The following COL5A1 variants were observed in gnomAD, a reference collection of about 807,000 sequenced individuals.
The protein encoded by COL5A1 is collagen type V alpha 1 chain.
COL5A1 carries 16 observed loss-of-function variants against 263.7 expected under a neutral mutation model. That is an observed-to-expected ratio of 0.06 (90% CI 0.04 to 0.09). COL5A1 has a LOEUF of 0.09. Ranked by LOEUF, COL5A1 falls within the 10% of genes least tolerant of loss-of-function variation. The pLI is 1.00. For missense variants in COL5A1, 2,036 were observed against 2,540.5 expected, an observed-to-expected ratio of 0.80 and a Z score of 4.27; for synonymous variants, 1,012 against 1,004.5, an observed-to-expected ratio of 1.01 and a Z score of -0.14.
Position 134,741,287 on chromosome 9 carries a change from C to T in COL5A1, c.1494+2479C>T, listed in dbSNP as rs972232656. ...ACAGATTAACAAGAGAAGAGGCATA[C>T]GATTTTAACACTTTTAATCTTCTAT... On this transcript the variant is annotated intron_variant, in intron 11 of 65. Coordinates refer to ENST00000371817, the MANE Select transcript of COL5A1 (RefSeq NM_000093.5). The surrounding 1 kb of genome is among the most constrained non-coding windows in gnomAD (Gnocchi z 4.5). Among the ~76,000 whole-genome samples, 1 of 152,124 alleles carries T rather than the reference C, an allele frequency of 6.6e-6. No individual in the cohort carries two copies. Among genetic ancestry groups the T allele is most frequent in the African/African-American group, 2.4e-5 (1 of 41,434 alleles).
chr9:134,722,356 C>A (rs1346118917), intron 4 of COL5A1, among the ~76,000 whole-genome samples: 1 of 152,236 alleles, frequency 6.6e-6, no homozygotes, highest in Non-Finnish European at 1.5e-5. Context: ...TGTTCGTTAC[C>A]TAGCCTTGGG....
rs79903250 is a variant in COL5A1, at chr9:134,795,412, TAAAA to T, written c.2799+109_2799+112del. 3.7e-4 allele frequency: 291 copies of T among 786,486 alleles called. 1 individual carries two copies. In the African/African-American group the frequency reaches 5.0e-3, roughly 13 times the overall value. The allele number at this position is 786,486 out of a possible 1,614,324, so 48.7% of individuals were successfully genotyped here. On this transcript the variant is annotated intron_variant, in intron 34 of 65. Coordinates refer to ENST00000371817, the MANE Select transcript of COL5A1 (RefSeq NM_000093.5). ...TGAGGGTGTCTGTGACCTTTTTTATTAAAAAAAAAAAAAAAGGCAGGACATTTTC... is the reference window on the plus strand; with the variant it reads ...TGAGGGTGTCTGTGACCTTTTTTATTAAAAAAAAAAAGGCAGGACATTTTC...
Position 134,744,893 on chromosome 9 carries a change from ACT to A in COL5A1, c.1495-5647_1495-5646del, listed in dbSNP as rs752337694. Among the ~76,000 whole-genome samples, 275 of 143,110 alleles carry A rather than the reference ACT, an allele frequency of 1.9e-3. 1 individual carries two copies. In the Middle Eastern group the frequency reaches 0.028, roughly 14 times the overall value. The allele number at this position is 143,110 out of a possible 152,430, so 93.9% of individuals were successfully genotyped here. ...CATGCACTCACACACCTGCACACAC[ACT>A]CATGCACATATGCACACACCCAGGC... On this transcript the variant is annotated intron_variant, in intron 11 of 65. Coordinates refer to ENST00000371817, the MANE Select transcript of COL5A1 (RefSeq NM_000093.5).
chr9:134,838,830 C>T (rs944256174), intron 65 of COL5A1, among the ~76,000 whole-genome samples: 1 of 152,204 alleles, frequency 6.6e-6, no homozygotes, highest in Non-Finnish European at 1.5e-5. Context: ...GCTCTGCGGC[C>T]AAGCTGGACA....
intron 9 of COL5A1, among the ~76,000 whole-genome samples, chr9:134,737,168 G>A (rs1166845790): frequency 3.3e-5 from 5 of 152,210 alleles, no homozygotes; most frequent in Admixed American, 1.3e-4. Flanking sequence ...GTTTCTGCAC[G>A]GGACCCCAGG....
In COL5A1 at chr9:134,824,982, C is replaced by T. The variant is rs1310090425; in HGVS notation, c.4954+127C>T. 2.3e-6 allele frequency: 3 copies of T among 1,324,846 alleles called. No homozygotes were observed. In the African/African-American group the frequency reaches 4.4e-5, roughly 19 times the overall value. 82.1% of individuals were successfully genotyped at this position (1,324,846 alleles called of 1,614,324 possible). On this transcript the variant is annotated intron_variant, in intron 62 of 65. Coordinates refer to ENST00000371817, the MANE Select transcript of COL5A1 (RefSeq NM_000093.5). ...ACAGGACGGGCAGCCGCAGCCTCCC[C>T]ATCTGTGGGGCCGGGGTGCGCAAGA...
chr9:134,685,429 T>C (rs1424249497), intron 1 of COL5A1, among the ~76,000 whole-genome samples: 2 of 674 alleles, frequency 3.0e-3, no homozygotes, highest in Non-Finnish European at 2.8e-3. Flanking sequence ...CATCCATCCA[T>C]CCATCCATCC....
chr9:134,654,404 GGT>G, intron 1 of COL5A1, among the ~76,000 whole-genome samples: 1 of 128,784 alleles, frequency 7.8e-6, no homozygotes, highest in African/African-American at 3.0e-5. Flanking sequence ...GTGTAGGGCT[GGT>G]GTGTGTAGGG....
At position 134,730,456 on chromosome 9, in the gene COL5A1, A is replaced by G; in HGVS notation, c.1145A>G (p.Asp382Gly). 1 of 1,614,066 alleles carries G rather than the reference A, an allele frequency of 6.2e-7. No individual in the cohort carries two copies. The highest frequency in any genetic ancestry group is 8.5e-7 in the Non-Finnish European group (1 of 1,180,014). ...GCCGAAATTCCCACCAGCACCGCCG[A>G]CACCTCCAACTCCTCCAATGTAATT... The part of the protein sequence containing the change: ...AGAEIPTSTA[D>G]TSNSSNPAPP... Residue 382 changes from aspartate to glycine, a missense_variant, in exon 7 of 66, where the codon GAC becomes GGC. Physicochemically the swap from Asp to Gly is moderately conservative, Grantham distance 94. Coordinates refer to ENST00000371817, the MANE Select transcript of COL5A1 (RefSeq NM_000093.5).
intron 1 of COL5A1, among the ~76,000 whole-genome samples, chr9:134,665,826 G>T (rs1832338730): frequency 1.3e-5 from 2 of 152,212 alleles, no homozygotes; most frequent in South Asian, 2.1e-4. Context: ...GGTGGTTCAC[G>T]CCTCTAATCC....
chr9:134,674,220 C>T (rs571001265), intron 1 of COL5A1, among the ~76,000 whole-genome samples: 1 of 152,128 alleles, frequency 6.6e-6, no homozygotes, highest in East Asian at 1.9e-4. Flanking sequence ...TATGTGAGCA[C>T]TCATGTGCTG....
chr9:134,804,908 G>A lies in COL5A1; in HGVS notation c.3115-67G>A, dbSNP rs114607788. 2,146 of 1,392,680 alleles carry A rather than the reference G, an allele frequency of 1.5e-3. 13 individuals carry two copies. The highest frequency in any genetic ancestry group is 0.013 in the African/African-American group (932 of 70,738). 86.3% of individuals were successfully genotyped at this position (1,392,680 alleles called of 1,614,324 possible). Reference sequence around the variant, plus strand: ...AGAGAAGGCCCCAGCCCTTGGCTTCGCTCTGGGGCTGGTGAGAGGTCTGCG... The same window carrying A: ...AGAGAAGGCCCCAGCCCTTGGCTTCACTCTGGGGCTGGTGAGAGGTCTGCG... On this transcript the variant is annotated intron_variant, in intron 39 of 65. Coordinates refer to ENST00000371817, the MANE Select transcript of COL5A1 (RefSeq NM_000093.5).
intron 2 of COL5A1, among the ~76,000 whole-genome samples, chr9:134,699,704 G>A (rs191385414): frequency 1.6e-4 from 25 of 152,330 alleles, no homozygotes; most frequent in African/African-American, 6.0e-4. Context: ...ACTGAGTCTT[G>A]AAGGGGGCAG....
rs1287824023 is a variant in COL5A1, at chr9:134,747,937, GCATT to G, written c.1495-2601_1495-2598del. On this transcript the variant is annotated intron_variant, in intron 11 of 65. Transcript: ENST00000371817. ...TGCACACATGCATTCATACACACAT[GCATT>G]CATACACATGCAGACACATGCACAC... Among the ~76,000 whole-genome samples the G allele has an allele frequency of 6.7e-3, 673 of 100,336 alleles. 17 individuals are homozygous for G. Among genetic ancestry groups the G allele is most frequent in the African/African-American group, 0.014 (378 of 26,348 alleles). 65.8% of individuals were successfully genotyped at this position (100,336 alleles called of 152,430 possible).
chr9:134,690,585 A>G (rs1833244105), intron 1 of COL5A1, among the ~76,000 whole-genome samples: 1 of 152,154 alleles, frequency 6.6e-6, no homozygotes, highest in Non-Finnish European at 1.5e-5. Flanking sequence ...GAGCGCAGTG[A>G]GGAAGGAGGG....
Position 134,794,387 on chromosome 9 carries a change from T to A in COL5A1, c.2701-695T>A, listed in dbSNP as rs1588557512. On this transcript the variant is annotated intron_variant, in intron 32 of 65. Coordinates refer to ENST00000371817, the MANE Select transcript of COL5A1 (RefSeq NM_000093.5). The surrounding 1 kb of genome is among the most constrained non-coding windows in gnomAD (Gnocchi z 4.3). ...TTCAGGAAGCTGAGTTGGGACACGG[T>A]GGGGGATGTAGGGGCCCCTGCGTGT... is the stretch of plus-strand genomic sequence containing the variant. 6.6e-6 allele frequency among the ~76,000 whole-genome samples: 1 copy of A among 151,154 alleles called. No individual in the cohort carries two copies. The highest frequency in any genetic ancestry group is 1.5e-5 in the Non-Finnish European group (1 of 67,798).
Position 134,789,995 on chromosome 9 carries a change from C to T in COL5A1, c.2700+787C>T, listed in dbSNP as rs1837611604. 6.6e-6 allele frequency among the ~76,000 whole-genome samples: 1 copy of T among 152,150 alleles called. No individual in the cohort carries two copies. The highest frequency in any genetic ancestry group is 6.5e-5 in the Admixed American group (1 of 15,280). Reference sequence around the variant, plus strand: ...TGCAGGACAGCATCTGCAGAGCAGGCCTGGGGGACATGCTCCCCGAAAGAT... The same window carrying T: ...TGCAGGACAGCATCTGCAGAGCAGGTCTGGGGGACATGCTCCCCGAAAGAT... On this transcript the variant is annotated intron_variant, in intron 32 of 65. Transcript: ENST00000371817. This position sits in a 1 kb window ranked among gnomAD's most constrained non-coding sequence, Gnocchi z 4.8.
chr9:134,758,350 C>A lies in COL5A1; in HGVS notation c.1935+54C>A. On this transcript the variant is annotated intron_variant, in intron 18 of 65. Transcript: ENST00000371817. The surrounding 1 kb of genome is among the most constrained non-coding windows in gnomAD (Gnocchi z 4.1). ...ATGACGATGGGCAGCAGAGGTGTCT[C>A]TCGGGAGGCCCTTCTCCTTCCAGGC... 1.9e-6 allele frequency: 3 copies of A among 1,566,304 alleles called. No individual in the cohort carries two copies. Among genetic ancestry groups the A allele is most frequent in the Non-Finnish European group, 2.6e-6 (3 of 1,136,890 alleles).
intron 4 of COL5A1, among the ~76,000 whole-genome samples, chr9:134,710,747 G>A (rs1834007962): frequency 7.0e-6 from 1 of 142,864 alleles, no homozygotes; most frequent in African/African-American, 2.7e-5. Context: ...TGCAGTGGTG[G>A]GGGAGGGGCC....
Sources: allele counts gnomAD v4.1 joint callset (sites outside exome capture counted in the v4.1 genomes callset), GRCh38; gene constraint gnomAD v4.1.1; non-coding constraint Gnocchi (gnomAD v3.1); transcripts MANE v1.5; gene names NCBI Gene and HGNC (gene_info 2026-07-23, HGNC 2026-07-21).